The following STARD9 variants were observed in gnomAD, a reference collection of about 807,000 sequenced individuals.
STARD9 encodes the protein stAR-related lipid transfer protein 9.
In STARD9, 346 loss-of-function variants were observed where a neutral mutation model predicts 399.8. The ratio of observed to expected loss-of-function variants is 0.87; its 90% CI spans 0.79 to 0.95. STARD9 has a LOEUF of 0.95. Among genes scored for constraint, STARD9 ranks in the 40% least tolerant of loss-of-function variants. The pLI, the probability that STARD9 is intolerant of heterozygous loss-of-function variation, is 0.00. For missense variants in STARD9, 5,832 were observed against 5,667.5 expected (o/e 1.03, Z -0.93); for synonymous variants, 2,203 against 2,143.5 (o/e 1.03, Z -0.77).
intron 4 of STARD9, among the ~76,000 whole-genome samples, chr15:42,635,430 C>T (rs933485934): frequency 5.3e-5 from 8 of 151,932 alleles, no homozygotes; most frequent in Non-Finnish European, 7.4e-5. Flanking sequence ...CCCGGGTTCA[C>T]GCTATTCTCC....
intron 3 of STARD9, among the ~76,000 whole-genome samples, chr15:42,601,624 C>A (rs974762043): frequency 1.3e-5 from 2 of 151,396 alleles, no homozygotes; most frequent in Admixed American, 1.3e-4. Flanking sequence ...GGGGGCTGCC[C>A]CCCACTTCCC....
At position 42,575,683 on chromosome 15, in the gene STARD9, G is replaced by A. The variant is rs1479435929; in HGVS notation, c.-33G>A. 5.2e-6 allele frequency: 8 copies of A among 1,535,868 alleles called. No homozygotes were observed. The highest frequency in any genetic ancestry group is 7.0e-6 in the Non-Finnish European group (8 of 1,146,582). On this transcript the variant is annotated 5_prime_UTR_variant, in exon 1 of 33. Coordinates refer to ENST00000290607, the MANE Select transcript of STARD9 (RefSeq NM_020759.3). The stretch of plus-strand genomic sequence containing the variant: ...CGGGGGCCTGGGATGCTGCCGCTGA[G>A]CTGACCCGCTGGACTTGGGTTGTGG...
Position 42,694,266 on chromosome 15 carries a change from G to C in STARD9, c.12688G>C (p.Val4230Leu). 6.6e-7 allele frequency: 1 copy of C among 1,524,834 alleles called. No homozygotes were observed. The highest frequency in any genetic ancestry group is 8.8e-7 in the Non-Finnish European group (1 of 1,140,592). The allele number at this position is 1,524,834 out of a possible 1,614,324, so 94.5% of individuals were successfully genotyped here. ...GFGEADALLQ[V>L]LQSGTGEALA... ...TGGGGAGGCCGATGCCCTGCTCCAG[G>C]TGCTGCAGAGTGGGACAGGGGAGGC... The change falls in exon 23 of 33, where the codon GTG becomes CTG. Residue 4230 changes from valine to leucine, a missense_variant. Around this residue, in one of 2 missense-constraint regions of STARD9, gnomAD observed 5,828 missense variants for 5,651.1 expected, o/e 1.03. Transcript: ENST00000290607.
At chr15:42,660,523 C>G (rs1374589374) in intron 9 of STARD9, among the ~76,000 whole-genome samples, 39 of 151,498 alleles carry the variant, frequency 2.6e-4, no homozygotes, top group African/African-American at 7.3e-4. Flanking sequence ...CGAGATCGTG[C>G]CATTGCACTC....
At chr15:42,708,024 A>T (rs1264121953) in intron 26 of STARD9, among the ~76,000 whole-genome samples, 1 of 149,956 alleles carries the variant, frequency 6.7e-6, no homozygotes, top group Admixed American at 6.6e-5. Context: ...GTGGTGCTGC[A>T]CACCTGTAGT....
At position 42,687,592 on chromosome 15, in the gene STARD9, G is replaced by A. The variant is rs1348271142; in HGVS notation, c.6014G>A (p.Arg2005Lys). 6 of 1,536,940 alleles carry A rather than the reference G, an allele frequency of 3.9e-6. No homozygotes were observed. The highest frequency in any genetic ancestry group is 1.4e-5 in the African/African-American group (1 of 73,026). Residue 2005 changes from arginine (R) to lysine (K), a missense_variant, in exon 23 of 33, where the codon AGG becomes AAG. Transcript: ENST00000290607. ...KLPGTKPAYE[R>K]FQLVACPQER... ...CCAGGTACAAAGCCTGCATATGAAA[G>A]GTTCCAGTTAGTTGCATGCCCTCAG...
chr15:42,659,431 T>C (rs1397666688), intron 9 of STARD9, among the ~76,000 whole-genome samples: 1 of 152,240 alleles, frequency 6.6e-6, no homozygotes. Flanking sequence ...CAGCAAGTTG[T>C]GTAGGAGCAG....
Position 42,695,817 on chromosome 15 carries a change from C to T in STARD9, c.13221C>T (p.Gly4407=). The stretch of plus-strand genomic sequence containing the variant: ...GCTCTAATGGAAGCCTCTCGTCTGG[C>T]ATGACCTCTGGCTATAATAGCAGCC... ...CTSSNGSLSS[G]MTSGYNSSPA... Residue 4407 remains glycine (G), a synonymous_variant, in exon 26 of 33, where the codon GGC becomes GGT. Coordinates refer to ENST00000290607, the MANE Select transcript of STARD9 (RefSeq NM_020759.3). 6.5e-7 allele frequency: 1 copy of T among 1,537,254 alleles called. No homozygotes were observed. The highest frequency in any genetic ancestry group is 1.4e-5 in the African/African-American group (1 of 73,172).
chr15:42,650,274 G>A (rs1438689754), intron 7 of STARD9, among the ~76,000 whole-genome samples: 1 of 152,002 alleles, frequency 6.6e-6, no homozygotes, highest in Non-Finnish European at 1.5e-5. Flanking sequence ...TTGTTATTTT[G>A]GGTGTAATTG....
At chr15:42,604,626 ATTTTTTTTTTTTTT>A (rs11349330) in intron 3 of STARD9, among the ~76,000 whole-genome samples, 3,096 of 55,104 alleles carry the variant, frequency 0.056, 144 homozygotes, top group African/African-American at 0.16. Context: ...GATCAAATTG[ATTTTTTTTTTTTTT>A]TTTTTTTTTT....
chr15:42,602,057 G>A (rs576115387), intron 3 of STARD9, among the ~76,000 whole-genome samples: 3 of 152,306 alleles, frequency 2.0e-5, no homozygotes, highest in African/African-American at 7.2e-5. Flanking sequence ...ATGTTGGCCA[G>A]GCTTAGGTCT....
chr15:42,674,759 A>G, intron 17 of STARD9, 68 bp from the exon 18 acceptor site: 1 of 1,458,500 alleles, frequency 6.9e-7, no homozygotes, highest in Non-Finnish European at 9.0e-7. Flanking sequence ...CTGATCTCAC[A>G]GAAAGAAATG....
At position 42,717,793 on chromosome 15, in the gene STARD9, G is replaced by T. The variant is rs1465706183; in HGVS notation, c.13557G>T (p.Trp4519Cys). 6.5e-7 allele frequency: 1 copy of T among 1,537,022 alleles called. No individual in the cohort carries two copies. Among genetic ancestry groups the T allele is most frequent in the African/African-American group, 1.4e-5 (1 of 73,002 alleles). The change falls in exon 29 of 33, where the codon TGG becomes TGT. Residue 4519 changes from tryptophan to cysteine, a missense_variant and splice_region_variant. By Grantham distance (215) the Trp-to-Cys change is radical. This residue lies in a region of STARD9 where 5,828 missense variants were observed against 5,651.1 expected (regional missense o/e 1.03). Coordinates refer to ENST00000290607, the MANE Select transcript of STARD9 (RefSeq NM_020759.3). Reference protein sequence around the residue: ...NLFSCQATAGWNYQGEEQAVQ... With the variant: ...NLFSCQATAGCNYQGEEQAVQ... ...TCAGCTGCCAGGCAACTGCTGGCTG[G>T]AAGTAAGTTTGTTTAGGGTCCTTTG...
intron 3 of STARD9, among the ~76,000 whole-genome samples, chr15:42,590,089 T>G (rs1392524779): frequency 6.6e-6 from 1 of 151,322 alleles, no homozygotes; most frequent in Non-Finnish European, 1.5e-5. Context: ...GCCTCCTGAG[T>G]AGCTGGGACT....
intron 3 of STARD9, among the ~76,000 whole-genome samples, chr15:42,589,549 A>G (rs2058352981): frequency 6.6e-6 from 1 of 151,940 alleles, no homozygotes; most frequent in Non-Finnish European, 1.5e-5. Context: ...GGAATCAAAC[A>G]GTATGTAGTT....
At chr15:42,707,142 T>C (rs1295223230) in intron 26 of STARD9, among the ~76,000 whole-genome samples, 2 of 150,502 alleles carry the variant, frequency 1.3e-5, no homozygotes, top group Non-Finnish European at 2.9e-5. Flanking sequence ...TTATGAATAG[T>C]TAAAAAAGTA....
chr15:42,694,119 C>T lies in STARD9; in HGVS notation c.12541C>T (p.Pro4181Ser). The part of the protein sequence containing the change: ...SEKQEQSPPQ[P>S]PNDHSQDSEW... ...AAAGCAGGAACAGAGTCCCCCACAA[C>T]CTCCTAATGACCACAGCCAGGATTC... Residue 4181 changes from proline to serine, a missense_variant, in exon 23 of 33, where the codon CCT becomes TCT. Pro to Ser is a moderately conservative substitution (Grantham distance 74). Coordinates refer to ENST00000290607, the MANE Select transcript of STARD9 (RefSeq NM_020759.3). The T allele has an allele frequency of 1.3e-6, 2 of 1,536,944 alleles. No homozygotes were observed. Among genetic ancestry groups the T allele is most frequent in the Non-Finnish European group, 1.7e-6 (2 of 1,146,808 alleles).
chr15:42,687,836 C>T lies in STARD9; in HGVS notation c.6258C>T (p.Phe2086=), dbSNP rs1281087296. ...HTPGTDKELV[F]QDQKEQEKTD... ...CAGGAACCGATAAGGAGTTGGTGTT[C>T]CAGGACCAGAAGGAGCAGGAGAAGA... The change falls in exon 23 of 33, where the codon TTC becomes TTT. Residue 2086 remains phenylalanine, a synonymous_variant. Transcript: ENST00000290607. 4 of 1,537,224 alleles carry T rather than the reference C, an allele frequency of 2.6e-6. No homozygotes were observed. Among genetic ancestry groups the T allele is most frequent in the Non-Finnish European group, 3.5e-6 (4 of 1,147,000 alleles).
chr15:42,696,511 T>G (rs2060850296), intron 26 of STARD9, among the ~76,000 whole-genome samples: 1 of 152,206 alleles, frequency 6.6e-6, no homozygotes, highest in South Asian at 2.1e-4. Flanking sequence ...CTGGCCCCTT[T>G]CTAATCCATC....
Sources: allele counts gnomAD v4.1 joint callset (sites outside exome capture counted in the v4.1 genomes callset), GRCh38; gene constraint gnomAD v4.1.1; regional missense constraint gnomAD v4.1.1; transcripts MANE v1.5; gene names NCBI Gene and HGNC (gene_info 2026-07-23, HGNC 2026-07-21).